Variants in PXDNL observed in about 807,000 individuals in gnomAD.
The protein encoded by PXDNL is probable oxidoreductase PXDNL.
PXDNL carries 145 observed loss-of-function variants against 150.8 expected under a neutral mutation model. That is an observed-to-expected ratio of 0.96 (90% CI 0.84 to 1.10). The LOEUF (loss-of-function observed/expected upper bound fraction) is 1.10, where lower values mean the gene tolerates loss of function less well. PXDNL is among the 50% of genes least tolerant of loss of function. The probability of loss-of-function intolerance (pLI) is 0.00; values close to 1 mark genes in which losing one functional copy is unlikely to be tolerated. For missense variants in PXDNL, 2,087 were observed against 1,873.9 expected, an observed-to-expected ratio of 1.11 and a Z score of -2.10; for synonymous variants, 757 against 725.7, an observed-to-expected ratio of 1.04 and a Z score of -0.69.
chr8:51,567,462 A>G (rs916124050), intron 3 of PXDNL, among the ~76,000 whole-genome samples: 5 of 151,866 alleles, frequency 3.3e-5, no homozygotes, highest in African/African-American at 9.7e-5. Flanking sequence ...GTGCACATAC[A>G]TTAAGGATTG....
At chr8:51,447,550 A>G (rs776768030) in intron 11 of PXDNL, among the ~76,000 whole-genome samples, 2 of 152,242 alleles carry the variant, frequency 1.3e-5, no homozygotes, top group Non-Finnish European at 2.9e-5. Context: ...TTTGGAATAC[A>G]ATAACGTGAT....
chr8:51,659,324 A>T (rs191575111), intron 1 of PXDNL, among the ~76,000 whole-genome samples: 21 of 152,322 alleles, frequency 1.4e-4, no homozygotes, highest in African/African-American at 4.8e-4. Context: ...AGGGTTAGAC[A>T]AGTGTGTCTG....
chr8:51,376,317 T>C (rs1193622632), intron 17 of PXDNL, among the ~76,000 whole-genome samples: 5 of 152,164 alleles, frequency 3.3e-5, no homozygotes. Context: ...CCATTTTACT[T>C]TATTTTGTTA....
intron 2 of PXDNL, among the ~76,000 whole-genome samples, chr8:51,606,410 C>T (rs1207099819): frequency 6.6e-6 from 1 of 152,198 alleles, no homozygotes; most frequent in Non-Finnish European, 1.5e-5. Flanking sequence ...GAACATAGGA[C>T]ACTTTCTGTT....
chr8:51,801,031 A>C (rs1041624854), intron 1 of PXDNL, among the ~76,000 whole-genome samples: 3 of 152,242 alleles, frequency 2.0e-5, no homozygotes, highest in Non-Finnish European at 4.4e-5. Context: ...GAATAGAACC[A>C]TATTTTTCTT....
At chr8:51,562,792 G>A (rs1412806997) in intron 3 of PXDNL, among the ~76,000 whole-genome samples, 1 of 151,942 alleles carries the variant, frequency 6.6e-6, no homozygotes, top group Admixed American at 6.6e-5. Flanking sequence ...GACCATAGAG[G>A]TGCTGAGATG....
chr8:51,574,053 G>A (rs1013461734), intron 3 of PXDNL, among the ~76,000 whole-genome samples: 4 of 151,856 alleles, frequency 2.6e-5, no homozygotes, highest in South Asian at 2.1e-4. Context: ...ACTTTCTTAC[G>A]GCAGCCCTAG....
intron 1 of PXDNL, among the ~76,000 whole-genome samples, chr8:51,803,930 C>T (rs1165207386): frequency 6.6e-6 from 1 of 152,186 alleles, no homozygotes; most frequent in African/African-American, 2.4e-5. Flanking sequence ...TACCAGAATG[C>T]CCATGTAAAA....
intron 4 of PXDNL, among the ~76,000 whole-genome samples, chr8:51,547,867 A>G (rs147288259): frequency 0.018 from 2,680 of 152,310 alleles, 83 homozygotes; most frequent in African/African-American, 0.06. Context: ...CCAGATAAAG[A>G]ATTCAGAAAG....
chr8:51,733,811 T>G, intron 1 of PXDNL, among the ~76,000 whole-genome samples: 1 of 52,898 alleles, frequency 1.9e-5, no homozygotes, highest in Admixed American at 2.9e-4. Flanking sequence ...CTGTCTCAAA[T>G]AATATATATA....
chr8:51,395,808 CTT>C (rs1239337019), intron 17 of PXDNL, among the ~76,000 whole-genome samples: 1 of 152,158 alleles, frequency 6.6e-6, no homozygotes, highest in East Asian at 1.9e-4. Context: ...CTTTCCAAAA[CTT>C]TAAAAAATCT....
chr8:51,493,980 A>G (rs571370398), intron 5 of PXDNL, among the ~76,000 whole-genome samples: 65 of 152,334 alleles, frequency 4.3e-4, no homozygotes, highest in African/African-American at 1.4e-3. Context: ...CATAATTGTC[A>G]GATTCACCAA....
intron 5 of PXDNL, among the ~76,000 whole-genome samples, chr8:51,487,940 A>G (rs1810804572): frequency 6.6e-6 from 1 of 152,246 alleles, no homozygotes; most frequent in South Asian, 2.1e-4. Context: ...CTGAACGCAC[A>G]TTACTCGACT....
chr8:51,694,901 T>C (rs1284081733), intron 1 of PXDNL, among the ~76,000 whole-genome samples: 2 of 152,228 alleles, frequency 1.3e-5, no homozygotes, highest in African/African-American at 4.8e-5. Context: ...TAAAGTATAT[T>C]GTTAATGTTT....
intron 1 of PXDNL, among the ~76,000 whole-genome samples, chr8:51,771,810 G>A (rs947744300): frequency 3.3e-5 from 5 of 152,124 alleles, no homozygotes; most frequent in African/African-American, 4.8e-5. Context: ...TGGACCAGGC[G>A]GTGCTGCCTG....
chr8:51,589,652 A>G (rs915304109), intron 3 of PXDNL, among the ~76,000 whole-genome samples: 2 of 152,214 alleles, frequency 1.3e-5, no homozygotes, highest in African/African-American at 4.8e-5. Flanking sequence ...TATGGAATGA[A>G]GAACTTAAGG....
chr8:51,788,718 A>T (rs1293160331), intron 1 of PXDNL, among the ~76,000 whole-genome samples: 1 of 152,152 alleles, frequency 6.6e-6, no homozygotes, highest in Admixed American at 6.5e-5. Flanking sequence ...TTGAGTGCTC[A>T]CAGTCCCACA....
intron 1 of PXDNL, among the ~76,000 whole-genome samples, chr8:51,709,089 A>G (rs533522242): frequency 6.6e-6 from 1 of 152,322 alleles, no homozygotes; most frequent in East Asian, 1.9e-4. Context: ...AGATAAATGT[A>G]GAAGTGTGGT....
chr8:51,667,303 CA>C (rs1431880737), intron 1 of PXDNL, among the ~76,000 whole-genome samples: 3 of 152,152 alleles, frequency 2.0e-5, no homozygotes, highest in Non-Finnish European at 2.9e-5. Flanking sequence ...GTTCATTCAA[CA>C]AAAAGATGAA....
Sources: allele counts gnomAD v4.1 joint callset (sites outside exome capture counted in the v4.1 genomes callset), GRCh38; gene constraint gnomAD v4.1.1; transcripts MANE v1.5; gene names NCBI Gene and HGNC (gene_info 2026-07-23, HGNC 2026-07-21).